The following MBOAT2 variants were observed in gnomAD, a reference collection of about 807,000 sequenced individuals.
MBOAT2 encodes membrane bound glycerophospholipid O-acyltransferase 2, also known as membrane-bound glycerophospholipid O-acyltransferase 2.
A neutral mutation model predicts 63.4 loss-of-function variants in MBOAT2; 28 were observed. That is an observed-to-expected ratio of 0.44 (90% CI 0.33 to 0.61). MBOAT2 has a LOEUF of 0.61. Ranked by LOEUF, MBOAT2 falls within the 20% of genes least tolerant of loss-of-function variation. MBOAT2 has a pLI of 0.03. For missense variants in MBOAT2, 470 were observed against 605.8 expected (o/e 0.78, Z 2.35); for synonymous variants, 211 against 215.6 (o/e 0.98, Z 0.19).
intron 1 of MBOAT2, among the ~76,000 whole-genome samples, chr2:9,002,867 T>C (rs1281283562): frequency 6.6e-6 from 1 of 152,146 alleles, no homozygotes; most frequent in Non-Finnish European, 1.5e-5. Flanking sequence ...ATCTACAAGG[T>C]TGCCACTTTG....
At chr2:8,987,267 T>G (rs573948178) in intron 1 of MBOAT2, among the ~76,000 whole-genome samples, 1 of 152,326 alleles carries the variant, frequency 6.6e-6, no homozygotes, top group African/African-American at 2.4e-5. Flanking sequence ...ATATTTATAT[T>G]ATGACCAAAG....
chr2:8,945,659 G>A (rs902058043), intron 2 of MBOAT2, among the ~76,000 whole-genome samples: 8 of 152,196 alleles, frequency 5.3e-5, no homozygotes, highest in South Asian at 2.1e-4. Context: ...GAATGCAGCC[G>A]GGTAGAATGG....
intron 3 of MBOAT2, among the ~76,000 whole-genome samples, chr2:8,930,114 C>T (rs779103476): frequency 5.9e-5 from 9 of 152,150 alleles, no homozygotes; most frequent in Non-Finnish European, 1.3e-4. Context: ...ATCCTGTCTC[C>T]TTTGCCATGC....
At chr2:8,969,559 TAA>T (rs758188283) in intron 1 of MBOAT2, among the ~76,000 whole-genome samples, 19 of 152,318 alleles carry the variant, frequency 1.2e-4, no homozygotes, top group South Asian at 6.2e-4. Flanking sequence ...ATGCTCCATT[TAA>T]AAGACACAGA....
chr2:8,902,795 G>A (rs1665054877), intron 4 of MBOAT2, among the ~76,000 whole-genome samples: 2 of 152,190 alleles, frequency 1.3e-5, no homozygotes, highest in South Asian at 2.1e-4. Flanking sequence ...CCCAAAGAGT[G>A]AGCAGCAGCA....
intron 5 of MBOAT2, among the ~76,000 whole-genome samples, chr2:8,886,687 C>T (rs890866690): frequency 6.6e-6 from 1 of 152,194 alleles, no homozygotes; most frequent in African/African-American, 2.4e-5. Context: ...TTTAAAAGAA[C>T]AGGTTACAAA....
At chr2:8,879,032 C>T (rs1177160754) in intron 6 of MBOAT2, among the ~76,000 whole-genome samples, 2 of 148,936 alleles carry the variant, frequency 1.3e-5, no homozygotes, top group African/African-American at 5.0e-5. Flanking sequence ...GCCGAGATCC[C>T]GCCACTGCAC....
At chr2:8,951,019 T>C (rs1668789663) in intron 2 of MBOAT2, among the ~76,000 whole-genome samples, 1 of 152,190 alleles carries the variant, frequency 6.6e-6, no homozygotes, top group Admixed American at 6.5e-5. Context: ...TTTGATGTGC[T>C]GTTGAGTTTG....
At chr2:8,924,102 A>G (rs1026965663) in intron 3 of MBOAT2, among the ~76,000 whole-genome samples, 6 of 152,006 alleles carry the variant, frequency 3.9e-5, no homozygotes, top group African/African-American at 9.7e-5. Flanking sequence ...AATCGTCTCT[A>G]TATTTGCTAC....
intron 9 of MBOAT2, among the ~76,000 whole-genome samples, chr2:8,865,886 C>T (rs1661843483): frequency 6.6e-6 from 1 of 152,076 alleles, no homozygotes; most frequent in African/African-American, 2.4e-5. Context: ...AAAATACAAA[C>T]ATTGGCCGGG....
chr2:8,912,299 AAAAG>A (rs35633754), intron 3 of MBOAT2, among the ~76,000 whole-genome samples: 3,728 of 46,826 alleles, frequency 0.08, 234 homozygotes, highest in Middle Eastern at 0.11. Context: ...GAAAAGAAAG[AAAAG>A]AAAGAAAGAA....
intron 1 of MBOAT2, among the ~76,000 whole-genome samples, chr2:8,995,386 G>C (rs1298727714): frequency 1.3e-5 from 2 of 152,182 alleles, no homozygotes; most frequent in Non-Finnish European, 2.9e-5. Flanking sequence ...CACCAGAGAT[G>C]CAGTGACAGG....
At chr2:8,897,318 C>T (rs1158950906) in intron 4 of MBOAT2, among the ~76,000 whole-genome samples, 1 of 150,262 alleles carries the variant, frequency 6.7e-6, no homozygotes, top group Admixed American at 6.6e-5. Context: ...GCTTATGCTG[C>T]TGTTCTCCCC....
chr2:8,916,750 A>C, intron 3 of MBOAT2, among the ~76,000 whole-genome samples: 1 of 152,232 alleles, frequency 6.6e-6, no homozygotes, highest in South Asian at 2.1e-4. Flanking sequence ...CAACTGCATA[A>C]AAGGCTTGCA....
chr2:8,859,309 G>A (rs1661332121), intron 12 of MBOAT2, among the ~76,000 whole-genome samples: 1 of 152,174 alleles, frequency 6.6e-6, no homozygotes, highest in African/African-American at 2.4e-5. Context: ...GGCCTCACCT[G>A]CTATTTACTG....
intron 4 of MBOAT2, among the ~76,000 whole-genome samples, chr2:8,894,837 G>A (rs536981094): frequency 5.9e-5 from 9 of 152,244 alleles, no homozygotes; most frequent in South Asian, 4.1e-4. Flanking sequence ...AGACCTTCAC[G>A]GTGAGTGTTA....
chr2:8,976,674 G>A (rs368783769), intron 1 of MBOAT2, among the ~76,000 whole-genome samples: 126 of 152,204 alleles, frequency 8.3e-4, no homozygotes, highest in African/African-American at 2.8e-3. Flanking sequence ...TCCATAAAGC[G>A]CGTTCAGAGC....
intron 6 of MBOAT2, among the ~76,000 whole-genome samples, chr2:8,882,145 T>C (rs899943598): frequency 1.3e-5 from 2 of 152,254 alleles, no homozygotes; most frequent in Non-Finnish European, 2.9e-5. Context: ...CATCAAGTTA[T>C]TGGCCTGTAA....
chr2:8,917,302 A>G (rs1489344852), intron 3 of MBOAT2, among the ~76,000 whole-genome samples: 1 of 152,186 alleles, frequency 6.6e-6, no homozygotes, highest in African/African-American at 2.4e-5. Context: ...ATTCACCACT[A>G]AGGAAAGGAA....
Sources: gnomAD v4.1 joint callset for allele counts (sites outside exome capture counted in the v4.1 genomes callset) on GRCh38, gnomAD v4.1.1 for gene constraint, MANE v1.5 for transcripts, NCBI Gene and HGNC (gene_info 2026-07-23, HGNC 2026-07-21) for gene names.